Variants in DOCK7 observed in about 807,000 individuals in gnomAD.
DOCK7 encodes the protein dedicator of cytokinesis protein 7.
Under a neutral mutation model 271.0 loss-of-function variants are expected in DOCK7, and 138 were observed. The observed-to-expected ratio is 0.51, with a 90% confidence interval of 0.44 to 0.59. The LOEUF is 0.59. DOCK7 is among the 20% of genes least tolerant of loss of function. DOCK7 has a pLI of 0.00. For missense variants in DOCK7, 2,066 were observed against 2,592.4 expected (o/e 0.80, Z 4.41); for synonymous variants, 823 against 876.1 (o/e 0.94, Z 1.07).
intron 16 of DOCK7, among the ~76,000 whole-genome samples, chr1:62,579,390 G>A (rs1166555760): frequency 1.3e-5 from 2 of 151,848 alleles, no homozygotes; most frequent in East Asian, 3.9e-4. Context: ...TCATCCTTTT[G>A]TAAAAAAATG....
At chr1:62,516,569 A>C (rs1352163858) in intron 31 of DOCK7, among the ~76,000 whole-genome samples, 1 of 152,228 alleles carries the variant, frequency 6.6e-6, no homozygotes, top group Non-Finnish European at 1.5e-5. Context: ...GGAATGAGGA[A>C]GAGGTCCCAG....
Position 62,617,372 on chromosome 1 carries a change from GGAAT to G in DOCK7, c.1682+1330_1682+1333del, listed in dbSNP as rs1173720015. ...GAAGCACTGGAGAATTTCAGACACAGGAATGAATGATTTGATTTACAATTTTCAA... is the reference window on the plus strand; with the variant it reads ...GAAGCACTGGAGAATTTCAGACACAGGAATGATTTGATTTACAATTTTCAA... On this transcript the variant is annotated intron_variant, in intron 14 of 49. Transcript: ENST00000635253. 3.3e-5 allele frequency among the ~76,000 whole-genome samples: 5 copies of G among 151,912 alleles called. No individual in the cohort carries two copies. In the East Asian group the frequency reaches 7.7e-4, roughly 23 times the overall value.
At chr1:62,634,327 C>T (rs1451060359) in intron 9 of DOCK7, 1 of 150,164 alleles carries the variant, frequency 6.7e-6, no homozygotes, top group African/African-American at 2.4e-5. Context: ...GTCAAAACTA[C>T]CCAAAGCAAT....
chr1:62,559,524 G>A (rs981542238), intron 19 of DOCK7, among the ~76,000 whole-genome samples: 3 of 150,868 alleles, frequency 2.0e-5, no homozygotes, highest in Non-Finnish European at 4.4e-5. Flanking sequence ...ACCTACTTTT[G>A]TCCATTATTA....
At chr1:62,549,851 C>T (rs948963545) in intron 22 of DOCK7, among the ~76,000 whole-genome samples, 3 of 152,126 alleles carry the variant, frequency 2.0e-5, no homozygotes, top group Admixed American at 6.6e-5. Context: ...TGGTAACTAT[C>T]ATTCTACTCT....
chr1:62,665,954 G>A (rs1395090539), intron 1 of DOCK7, among the ~76,000 whole-genome samples: 1 of 151,918 alleles, frequency 6.6e-6, no homozygotes, highest in Non-Finnish European at 1.5e-5. Context: ...ACAAGGTCAT[G>A]AGATCAGGAC....
Position 62,513,794 on chromosome 1 carries a change from C to A in DOCK7, c.4041G>T (p.Trp1347Cys). Residue 1347 changes from tryptophan (W) to cysteine (C), a missense_variant, in exon 32 of 50, where the codon TGG (tryptophan) becomes TGT (cysteine). Physicochemically the swap from Trp to Cys is radical, Grantham distance 215. Transcript: ENST00000635253. ...GCTGCAAGACTGAGAGATCTGTAAA[C>A]CACTTCTGTAGAACTGTTTCATCTG... ...KNADETVLQK[W>C]FTDLSVLQLN... 6.2e-7 allele frequency: 1 copy of A among 1,614,118 alleles called. No homozygotes were observed. Among genetic ancestry groups the A allele is most frequent in the Non-Finnish European group, 8.5e-7 (1 of 1,180,000 alleles).
Position 62,504,710 on chromosome 1 carries a change from T to C in DOCK7, c.4684A>G (p.Ser1562Gly), listed in dbSNP as rs1646889546. Residue 1562 changes from serine (S) to glycine (G), a missense_variant, in exon 37 of 50, where the codon AGC becomes GGC. Coordinates refer to ENST00000635253, the MANE Select transcript of DOCK7 (RefSeq NM_001367561.1). ...DLCLRLLRHC[S>G]SSIGTIRSHA... Reference sequence around the variant, plus strand: ...GACCGTATTGTACCGATGCTACTGCTACAGTGTCGGAGAAGCCTGAGGCAT... The same window carrying C: ...GACCGTATTGTACCGATGCTACTGCCACAGTGTCGGAGAAGCCTGAGGCAT... The C allele has an allele frequency of 6.2e-7, 1 of 1,614,042 alleles. No individual in the cohort carries two copies. The highest frequency in any genetic ancestry group is 8.5e-7 in the Non-Finnish European group (1 of 1,180,018).
intron 29 of DOCK7, among the ~76,000 whole-genome samples, chr1:62,532,630 T>G (rs1200173778): frequency 6.6e-6 from 1 of 152,236 alleles, no homozygotes; most frequent in Non-Finnish European, 1.5e-5. Context: ...CCTCTGTGCC[T>G]GGCCAATATG....
intron 16 of DOCK7, among the ~76,000 whole-genome samples, chr1:62,579,836 C>A (rs190830370): frequency 7.3e-5 from 11 of 151,416 alleles, no homozygotes; most frequent in Admixed American, 3.9e-4. Context: ...ACAAAAAAAA[C>A]CAGTAAAATC....
chr1:62,587,509 C>A (rs904124965), intron 14 of DOCK7, among the ~76,000 whole-genome samples: 2 of 151,934 alleles, frequency 1.3e-5, no homozygotes, highest in African/African-American at 2.4e-5. Flanking sequence ...ACACCTCTAA[C>A]CTAAGGAGAA....
At chr1:62,616,324 A>C (rs987644420) in intron 14 of DOCK7, among the ~76,000 whole-genome samples, 2 of 151,744 alleles carry the variant, frequency 1.3e-5, no homozygotes, top group East Asian at 3.9e-4. Flanking sequence ...ATTCACAGAA[A>C]AGATACCCTA....
intron 16 of DOCK7, 50 bp from the exon 17 acceptor site, chr1:62,579,016 A>C (rs1290803736): frequency 6.8e-7 from 1 of 1,466,822 alleles, no homozygotes; most frequent in Non-Finnish European, 9.1e-7. Flanking sequence ...TGTCCAAAAT[A>C]AATAATGTAT....
chr1:62,634,309 A>C (rs1462608229), intron 9 of DOCK7: 3 of 152,140 alleles, frequency 2.0e-5, no homozygotes, highest in Admixed American at 2.0e-4. Flanking sequence ...ATTTGATATC[A>C]TTAAGATGTC....
At chr1:62,651,188 T>C (rs1165280820) in intron 4 of DOCK7, among the ~76,000 whole-genome samples, 4 of 149,952 alleles carry the variant, frequency 2.7e-5, no homozygotes, top group African/African-American at 9.8e-5. Flanking sequence ...AGCAAACTAT[T>C]GCAAGGACAA....
intron 34 of DOCK7, among the ~76,000 whole-genome samples, chr1:62,509,994 T>C (rs1432028840): frequency 2.0e-5 from 3 of 152,202 alleles, no homozygotes; most frequent in South Asian, 2.1e-4. Context: ...GTGAAGCTAC[T>C]TGCGGGCTAA....
chr1:62,548,559 T>C (rs1345178018), intron 22 of DOCK7, among the ~76,000 whole-genome samples: 1 of 152,088 alleles, frequency 6.6e-6, no homozygotes, highest in Admixed American at 6.6e-5. Flanking sequence ...TAGCTAGGAT[T>C]ACAGGCATGC....
At chr1:62,618,554 T>C (rs984684277) in intron 14 of DOCK7, 152 bp downstream of exon 14, 4 of 643,806 alleles carry the variant, frequency 6.2e-6, no homozygotes, top group East Asian at 2.8e-5. Flanking sequence ...AAAGCCTTAA[T>C]ACGTGAAAAC....
Position 62,455,217 on chromosome 1 carries a change from T to G in DOCK7, c.*197A>C. ...TTAAAATGTCTTAAAAGATAACAGC[T>G]TGTTACCAGAACATTAGAAACCATA... is the stretch of plus-strand genomic sequence containing the variant. On this transcript the variant is annotated 3_prime_UTR_variant, in exon 50 of 50. Transcript: ENST00000635253. 1 of 689,722 alleles carries G rather than the reference T, an allele frequency of 1.4e-6. No individual in the cohort carries two copies. Among genetic ancestry groups the G allele is most frequent in the South Asian group, 1.6e-5 (1 of 61,838 alleles). 42.7% of individuals were successfully genotyped at this position (689,722 alleles called of 1,614,324 possible).
Sources: gnomAD v4.1 joint callset for allele counts (sites outside exome capture counted in the v4.1 genomes callset) on GRCh38, gnomAD v4.1.1 for gene constraint, MANE v1.5 for transcripts, NCBI Gene and HGNC (gene_info 2026-07-23, HGNC 2026-07-21) for gene names.